Variants in HECW1 observed in about 807,000 individuals in gnomAD.
HECW1 encodes the protein HECT, C2 and WW domain containing E3 ubiquitin protein ligase 1.
A neutral mutation model predicts 182.3 loss-of-function variants in HECW1; 61 were observed. The observed-to-expected ratio is 0.33, with a 90% CI of 0.27 to 0.41. The LOEUF (loss-of-function observed/expected upper bound fraction) is 0.41. Ranked by LOEUF, HECW1 falls within the 10% of genes least tolerant of loss-of-function variation. The pLI is 1.00. For missense variants in HECW1, 1,739 were observed against 2,108.9 expected (o/e 0.82, Z 3.44); for synonymous variants, 859 against 832.6 (o/e 1.03, Z -0.55).
At chr7:43,220,460 T>C (rs1049666904) in intron 2 of HECW1, among the ~76,000 whole-genome samples, 1 of 152,204 alleles carries the variant, frequency 6.6e-6, no homozygotes, top group South Asian at 2.1e-4. Context: ...TCTCCAGAGA[T>C]CAGGCTGATG....
At chr7:43,304,175 G>A (rs1009891488) in intron 3 of HECW1, among the ~76,000 whole-genome samples, 1 of 152,150 alleles carries the variant, frequency 6.6e-6, no homozygotes, top group Non-Finnish European at 1.5e-5. Context: ...CCAGCAGCAA[G>A]TAGAGCTCTG....
rs192462264 is a variant in HECW1 at position 43,443,262 on chromosome 7, A to G, written c.1045+633A>G. On this transcript the variant is annotated intron_variant, in intron 10 of 29. Coordinates refer to ENST00000395891, the MANE Select transcript of HECW1 (RefSeq NM_015052.5). ...GAGAACTGTTAGGACCTCCTGGACC[A>G]TTTACAAGTTGCTGTTAAGTCTAAT... Among the ~76,000 whole-genome samples the G allele has an allele frequency of 3.3e-3, 510 of 152,348 alleles. 2 individuals carry two copies. Among genetic ancestry groups the G allele is most frequent in the Non-Finnish European group, 5.4e-3 (365 of 68,036 alleles).
At position 43,186,529 on chromosome 7, in the gene HECW1, CTT is replaced by C. The variant is rs1793416879; in HGVS notation, c.-31-57345_-31-57344del. 2.0e-5 allele frequency among the ~76,000 whole-genome samples: 3 copies of C among 151,966 alleles called. No individual in the cohort carries two copies. In the South Asian group the frequency reaches 6.2e-4, roughly 32 times the overall value. On this transcript the variant is annotated intron_variant, in intron 2 of 29. Coordinates refer to ENST00000395891, the MANE Select transcript of HECW1 (RefSeq NM_015052.5). The stretch of plus-strand genomic sequence containing the variant: ...AAAAATACAAAAAAATTTACCCAGG[CTT>C]GGTGGAGGGCGCCTGTAGTCCCAGC...
chr7:43,456,383 G>A lies in HECW1; in HGVS notation c.2587G>A (p.Ala863Thr). Residue 863 changes from alanine (A) to threonine (T), a missense_variant, in exon 13 of 30, where the codon GCA becomes ACA. Physicochemically the swap from Ala to Thr is moderately conservative, Grantham distance 58. Coordinates refer to ENST00000395891, the MANE Select transcript of HECW1 (RefSeq NM_015052.5). The part of the protein sequence containing the change: ...RTTTWQRPTA[A>T]ATPDGMRRSG... ...AACCACCTGGCAGCGTCCGACGGCAGCAGCCACCCCGGATGGCATGCGGAG... is the reference window on the plus strand; with the variant it reads ...AACCACCTGGCAGCGTCCGACGGCAACAGCCACCCCGGATGGCATGCGGAG... 1 of 1,614,112 alleles carries A rather than the reference G, an allele frequency of 6.2e-7. No homozygotes were observed. The highest frequency in any genetic ancestry group is 2.2e-5 in the East Asian group (1 of 44,884).
At chr7:43,192,462 T>C (rs1794011843) in intron 2 of HECW1, among the ~76,000 whole-genome samples, 1 of 152,178 alleles carries the variant, frequency 6.6e-6, no homozygotes, top group Non-Finnish European at 1.5e-5. Context: ...ATATGACATG[T>C]ACATTGAGTA....
intron 8 of HECW1, among the ~76,000 whole-genome samples, chr7:43,430,753 G>T (rs2152865153): frequency 1.3e-5 from 1 of 77,310 alleles, no homozygotes; most frequent in Non-Finnish European, 2.8e-5. Flanking sequence ...GGTATATCTA[G>T]ACTGTGGCCT....
intron 29 of HECW1, among the ~76,000 whole-genome samples, chr7:43,555,200 A>G (rs1436254378): frequency 6.6e-6 from 1 of 152,210 alleles, no homozygotes; most frequent in Non-Finnish European, 1.5e-5. Context: ...TCATAGGATC[A>G]TTATATATTT....
intron 19 of HECW1, among the ~76,000 whole-genome samples, chr7:43,498,738 G>A (rs899238438): frequency 2.0e-5 from 3 of 151,974 alleles, no homozygotes; most frequent in Non-Finnish European, 2.9e-5. Flanking sequence ...TTCCTGCAAC[G>A]GTGCTTCACC....
chr7:43,300,722 C>CTGTGT (rs1562802093), intron 3 of HECW1, among the ~76,000 whole-genome samples: 4 of 152,128 alleles, frequency 2.6e-5, no homozygotes, highest in African/African-American at 9.7e-5. Flanking sequence ...GGTTCAACCC[C>CTGTGT]ACTGTGTACT....
chr7:43,331,054 T>TATAC (rs1263208562), intron 5 of HECW1, among the ~76,000 whole-genome samples: 2 of 152,130 alleles, frequency 1.3e-5, no homozygotes, highest in Non-Finnish European at 2.9e-5. Flanking sequence ...GTTACATACG[T>TATAC]ATACATGTGC....
chr7:43,404,908 G>A (rs1356838315), intron 7 of HECW1, among the ~76,000 whole-genome samples: 3 of 152,050 alleles, frequency 2.0e-5, no homozygotes, highest in Non-Finnish European at 4.4e-5. Context: ...CCCGGGAGGC[G>A]GAGGTTGCAG....
chr7:43,125,757 TAAAA>T lies in HECW1; in HGVS notation c.-32+11386_-32+11389del, dbSNP rs57874835. On this transcript the variant is annotated intron_variant, in intron 2 of 29. Transcript: ENST00000395891. ...TGGGTGACAGAGCGAGATTCTGTCT[TAAAA>T]AAAAAAAAAAAAAAAAAAAGAGTGA... is the stretch of plus-strand genomic sequence containing the variant. Among the ~76,000 whole-genome samples, 464 of 86,536 alleles carry T rather than the reference TAAAA, an allele frequency of 5.4e-3. 3 individuals are homozygous for T. The highest frequency in any genetic ancestry group is 8.0e-3 in the East Asian group (21 of 2,616). The allele number at this position is 86,536 out of a possible 152,430, so 56.8% of individuals were successfully genotyped here. A position where few individuals can be genotyped will look rare whatever the true frequency, so the allele number is the denominator to read the frequency against.
chr7:43,509,095 C>T lies in HECW1; in HGVS notation c.3993C>T (p.Ser1331=), dbSNP rs200822928. 2.5e-4 allele frequency: 409 copies of T among 1,614,036 alleles called. No individual in the cohort carries two copies. Among genetic ancestry groups the T allele is most frequent in the East Asian group, 2.2e-3 (99 of 44,880 alleles). ...DTYTVQISPM[S]AFVENHLEWF... is the part of the protein sequence containing the mutation. ...ACACGGTGCAGATCAGCCCCATGTC[C>T]GCATTTGTAGAAAACCATCTTGAGT... The change falls in exon 24 of 30, where the codon TCC becomes TCT. Residue 1331 remains serine (S), a synonymous_variant. Transcript: ENST00000395891.
At chr7:43,196,203 A>G (rs1032890932) in intron 2 of HECW1, among the ~76,000 whole-genome samples, 3 of 152,158 alleles carry the variant, frequency 2.0e-5, no homozygotes, top group Non-Finnish European at 4.4e-5. Context: ...CCTATGACTG[A>G]CTGTTCTCCT....
chr7:43,524,622 A>G (rs2080685031), intron 24 of HECW1, among the ~76,000 whole-genome samples: 1 of 152,260 alleles, frequency 6.6e-6, no homozygotes, highest in South Asian at 2.1e-4. Context: ...GAGGTAAGTA[A>G]GCAAATACTA....
intron 2 of HECW1, among the ~76,000 whole-genome samples, chr7:43,202,236 T>G (rs1795074393): frequency 6.6e-6 from 1 of 152,204 alleles, no homozygotes. Flanking sequence ...GTCTGCACAA[T>G]GCACACTGTC....
intron 17 of HECW1, among the ~76,000 whole-genome samples, chr7:43,488,436 G>GAA (rs1554440511): frequency 3.0e-5 from 3 of 99,436 alleles, no homozygotes; most frequent in African/African-American, 1.3e-4. Flanking sequence ...GAAAGAAAGA[G>GAA]AAAGAAAGAA....
intron 3 of HECW1, among the ~76,000 whole-genome samples, chr7:43,286,987 T>C (rs1804717093): frequency 6.6e-6 from 1 of 152,070 alleles, no homozygotes; most frequent in Non-Finnish European, 1.5e-5. Flanking sequence ...ATTTGCTGTG[T>C]CCCGGGCATT....
intron 9 of HECW1, chr7:43,439,755 T>TCC (rs2076824219): frequency 6.6e-6 from 1 of 152,316 alleles, no homozygotes; most frequent in African/African-American, 2.4e-5. Context: ...CCTCCAAGCC[T>TCC]CCCACTGTGG....
Sources: allele counts gnomAD v4.1 joint callset (sites outside exome capture counted in the v4.1 genomes callset), GRCh38; gene constraint gnomAD v4.1.1; transcripts MANE v1.5; gene names NCBI Gene and HGNC (gene_info 2026-07-23, HGNC 2026-07-21).